FRAS1: variants seen among roughly 807,000 people sequenced by gnomAD.
FRAS1 encodes the protein extracellular matrix organizing protein FRAS1.
A neutral mutation model predicts 435.2 loss-of-function variants in FRAS1; 290 were observed. The observed-to-expected ratio is 0.67, with a 90% CI of 0.61 to 0.73. FRAS1 has a LOEUF of 0.73. FRAS1 is among the 30% of genes least tolerant of loss of function. The pLI is 0.00. For synonymous variants in FRAS1, 1,800 were observed against 1,851.0 expected, an observed-to-expected ratio of 0.97 and a Z score of 0.71; for missense variants, 4,860 against 5,001.5, an observed-to-expected ratio of 0.97 and a Z score of 0.85.
intron 2 of FRAS1, among the ~76,000 whole-genome samples, chr4:78,213,951 AC>A (rs1723629090): frequency 6.6e-6 from 1 of 152,220 alleles, no homozygotes; most frequent in Non-Finnish European, 1.5e-5. Context: ...TGCACAGATA[AC>A]TTTAATAGGT....
At chr4:78,468,249 T>A (rs896307064) in intron 50 of FRAS1, among the ~76,000 whole-genome samples, 1 of 152,188 alleles carries the variant, frequency 6.6e-6, no homozygotes, top group Non-Finnish European at 1.5e-5. Flanking sequence ...TTGATTTTTG[T>A]ATGTGGTGAG....
chr4:78,502,353 G>A (rs931410261), intron 61 of FRAS1, among the ~76,000 whole-genome samples: 3 of 152,020 alleles, frequency 2.0e-5, no homozygotes, highest in Admixed American at 1.3e-4. Context: ...CTCCGTAAGC[G>A]TGGAATGTTC....
At chr4:78,084,813 G>C (rs1230370999) in intron 2 of FRAS1, among the ~76,000 whole-genome samples, 1 of 151,932 alleles carries the variant, frequency 6.6e-6, no homozygotes, top group Non-Finnish European at 1.5e-5. Flanking sequence ...TTACTGGATT[G>C]GTCATTGTTT....
intron 21 of FRAS1, 23 bp downstream of exon 21, chr4:78,363,688 A>C: frequency 6.4e-7 from 1 of 1,563,682 alleles, no homozygotes; most frequent in Non-Finnish European, 8.7e-7. Context: ...TGGACTCAGG[A>C]GCTGGAGCTG....
At chr4:78,173,922 C>T (rs766315673) in intron 2 of FRAS1, among the ~76,000 whole-genome samples, 2 of 152,144 alleles carry the variant, frequency 1.3e-5, no homozygotes, top group Non-Finnish European at 2.9e-5. Flanking sequence ...TCTCAAGGTG[C>T]TTAATATTTC....
rs1721313017 is a variant in FRAS1, at chr4:78,519,343, G to T, written c.10402G>T (p.Ala3468Ser). The T allele has an allele frequency of 2.6e-6, 4 of 1,553,332 alleles. No homozygotes were observed. The highest frequency in any genetic ancestry group is 1.4e-5 in the African/African-American group (1 of 71,422). ...GCTTCCTCGGCAGGTGAGGGACTCT[G>T]CCCAGTCCTTCTTGACAGTGCACGT... is the stretch of plus-strand genomic sequence containing the variant. ...VTADFQVRDS[A>S]QSFLTVHVPL... The change falls in exon 67 of 74, where the codon GCC (alanine) becomes TCC (serine). Residue 3468 changes from alanine to serine, a missense_variant. Physicochemically the swap from Ala to Ser is moderately conservative, Grantham distance 99. Transcript: ENST00000512123.
chr4:78,388,928 A>G (rs1356280580), intron 29 of FRAS1, among the ~76,000 whole-genome samples: 1 of 152,204 alleles, frequency 6.6e-6, no homozygotes, highest in Non-Finnish European at 1.5e-5. Flanking sequence ...TCTTTGTATC[A>G]ACTTACTTTT....
intron 2 of FRAS1, among the ~76,000 whole-genome samples, chr4:78,130,525 A>C (rs868414106): frequency 1.3e-5 from 2 of 151,990 alleles, no homozygotes; most frequent in South Asian, 2.1e-4. Context: ...TTTTCCCCCC[A>C]TTTTTCTTTC....
intron 29 of FRAS1, among the ~76,000 whole-genome samples, chr4:78,391,706 A>G (rs1046501964): frequency 1.3e-5 from 2 of 152,166 alleles, no homozygotes; most frequent in African/African-American, 4.8e-5. Context: ...AAAGTCCCCA[A>G]GTGTCATGCT....
chr4:78,063,765 T>C (rs557113596), intron 1 of FRAS1, among the ~76,000 whole-genome samples: 6 of 152,310 alleles, frequency 3.9e-5, no homozygotes, highest in African/African-American at 1.4e-4. Context: ...AGAAATTGAC[T>C]TTGGAAGGTA....
chr4:78,328,877 T>C (rs1409024651), intron 18 of FRAS1, among the ~76,000 whole-genome samples: 3 of 152,192 alleles, frequency 2.0e-5, no homozygotes, highest in Admixed American at 6.5e-5. Flanking sequence ...AGAATCATCA[T>C]TCTACTTTGC....
chr4:78,493,544 C>G (rs1720426760), intron 59 of FRAS1, among the ~76,000 whole-genome samples: 1 of 152,016 alleles, frequency 6.6e-6, no homozygotes, highest in African/African-American at 2.4e-5. Flanking sequence ...TCTCAGCAAA[C>G]TAACACAGAA....
intron 18 of FRAS1, 80 bp from the exon 19 acceptor site, chr4:78,333,192 T>C: frequency 6.8e-7 from 1 of 1,476,444 alleles, no homozygotes; most frequent in African/African-American, 1.4e-5. Flanking sequence ...GACCCAGGAA[T>C]GTTAATGGGA....
chr4:78,287,014 C>G (rs1290926503), intron 14 of FRAS1, among the ~76,000 whole-genome samples: 1 of 152,138 alleles, frequency 6.6e-6, no homozygotes, highest in Non-Finnish European at 1.5e-5. Flanking sequence ...ATAGAACTAC[C>G]TGAGACTGGA....
intron 28 of FRAS1, among the ~76,000 whole-genome samples, chr4:78,386,487 A>T (rs1732222396): frequency 6.6e-6 from 1 of 152,180 alleles, no homozygotes; most frequent in African/African-American, 2.4e-5. Flanking sequence ...TGTATTAGAC[A>T]TTCCTTTAAT....
At position 78,478,346 on chromosome 4, in the gene FRAS1, A is replaced by G. The variant is rs570522079; in HGVS notation, c.8098+285A>G. On this transcript the variant is annotated intron_variant, in intron 55 of 73. Coordinates refer to ENST00000512123, the MANE Select transcript of FRAS1 (RefSeq NM_025074.7). ...CCTTCTAAATTATTCATGAATCAGT[A>G]TTCTTAATCAATCACCCAATCCATA... Among the ~76,000 whole-genome samples, 9 of 152,354 alleles carry G rather than the reference A, an allele frequency of 5.9e-5. No homozygotes were observed. The East Asian group carries it at 1.3e-3, about 23-fold the overall frequency.
At chr4:78,242,225 G>A (rs1237058654) in intron 3 of FRAS1, among the ~76,000 whole-genome samples, 1 of 152,180 alleles carries the variant, frequency 6.6e-6, no homozygotes, top group Non-Finnish European at 1.5e-5. Context: ...ATTTTTAGTG[G>A]TTTAGTCACT....
chr4:78,150,937 G>A (rs1720630605), intron 2 of FRAS1, among the ~76,000 whole-genome samples: 1 of 152,072 alleles, frequency 6.6e-6, no homozygotes, highest in African/African-American at 2.4e-5. Flanking sequence ...ATTTCATTTT[G>A]CATTTTATTG....
rs369605412 is a variant in FRAS1 at position 78,318,986 on chromosome 4, G to C, written c.2137G>C (p.Ala713Pro). The C allele has an allele frequency of 5.5e-5, 89 of 1,613,672 alleles. 1 individual carries two copies. The highest frequency in any genetic ancestry group is 1.4e-5 in the Non-Finnish European group (17 of 1,179,786). ...FYLESTGICE[A>P]CHQSCFRCAG... is the part of the protein sequence containing the mutation. ...CTTGGAGAGCACTGGCATATGTGAA[G>C]GTAAGCATGATTTGAGAAAGTGTTA... Residue 713 changes from alanine to proline, a missense_variant and splice_region_variant, in exon 18 of 74, where the codon GCT becomes CCT. Physicochemically the swap from Ala to Pro is conservative, Grantham distance 27. Transcript: ENST00000512123.
Sources: gnomAD v4.1 joint callset for allele counts (sites outside exome capture counted in the v4.1 genomes callset) on GRCh38, gnomAD v4.1.1 for gene constraint, MANE v1.5 for transcripts, NCBI Gene and HGNC (gene_info 2026-07-23, HGNC 2026-07-21) for gene names.